Variants in LYSMD2 observed in about 807,000 individuals in gnomAD.
The protein encoded by LYSMD2 is lysM and putative peptidoglycan-binding domain-containing protein 2.
In LYSMD2, 6 loss-of-function variants were observed where a neutral mutation model predicts 17.7. The ratio of observed to expected loss-of-function variants is 0.34; its 90% CI spans 0.19 to 0.67. LYSMD2 has a LOEUF of 0.67. Among genes scored for constraint, LYSMD2 ranks in the 30% least tolerant of loss-of-function variants. The probability of loss-of-function intolerance (pLI) is 0.69; values close to 1 mark genes in which losing one functional copy is unlikely to be tolerated. For synonymous variants in LYSMD2, 102 were observed against 129.8 expected (o/e 0.79, Z 1.45); for missense variants, 237 against 286.7 (o/e 0.83, Z 1.25).
chr15:51,748,261 C>CAAAAAAAAAA (rs10556304), intron 1 of LYSMD2, among the ~76,000 whole-genome samples: 23 of 60,224 alleles, frequency 3.8e-4, no homozygotes, highest in African/African-American at 7.6e-4. Context: ...GACTCCGTCT[C>CAAAAAAAAAA]AAAAAAAAAA....
At chr15:51,746,326 T>C (rs1263870124) in intron 1 of LYSMD2, among the ~76,000 whole-genome samples, 1 of 152,140 alleles carries the variant, frequency 6.6e-6, no homozygotes, top group Non-Finnish European at 1.5e-5. Context: ...AAAAATATTA[T>C]AATTAGGGAA....
At chr15:51,747,435 G>A (rs1422452290) in intron 1 of LYSMD2, among the ~76,000 whole-genome samples, 2 of 152,238 alleles carry the variant, frequency 1.3e-5, no homozygotes, top group East Asian at 1.9e-4. Context: ...AGGCTGTGGT[G>A]AGCCGAGATC....
At chr15:51,743,024 C>T (rs1403394738) in intron 1 of LYSMD2, among the ~76,000 whole-genome samples, 1 of 152,198 alleles carries the variant, frequency 6.6e-6, no homozygotes, top group Non-Finnish European at 1.5e-5. Flanking sequence ...TTTTGTCTTT[C>T]ATGGATCATA....
upstream of LYSMD2, among the ~76,000 whole-genome samples, chr15:51,740,473 T>A (rs1364277340): frequency 6.6e-6 from 1 of 152,264 alleles, no homozygotes; most frequent in Non-Finnish European, 1.5e-5. Context: ...TTACTGCCTC[T>A]ATTTAACATT....
chr15:51,723,562 T>C lies in LYSMD2; in HGVS notation c.*45A>G, dbSNP rs760875775. ...TCTTCAGTTGTTGGATTCTTTATGG[T>C]CCAAACATATCTTAATTTTGGTTAG... On this transcript the variant is annotated 3_prime_UTR_variant, in exon 3 of 3. Transcript: ENST00000267838. 2 of 1,468,540 alleles carry C rather than the reference T, an allele frequency of 1.4e-6. No individual in the cohort carries two copies. Among genetic ancestry groups the C allele is most frequent in the Non-Finnish European group, 1.9e-6 (2 of 1,048,644 alleles). The allele number at this position is 1,468,540 out of a possible 1,614,324, so 91.0% of individuals were successfully genotyped here.
In LYSMD2 at chr15:51,737,309, G is replaced by A; in HGVS notation, c.273+41C>T. 2 of 1,193,792 alleles carry A rather than the reference G, an allele frequency of 1.7e-6. No homozygotes were observed. Among genetic ancestry groups the A allele is most frequent in the Non-Finnish European group, 2.1e-6 (2 of 956,250 alleles). The allele number at this position is 1,193,792 out of a possible 1,614,324, so 73.9% of individuals were successfully genotyped here. ...CCCCGAGCCGCACCGCCTCCTGCGC[G>A]GTAGCTGCCAGCCCGGGCCGCGGCG... On this transcript the variant is annotated intron_variant, in intron 1 of 2. Coordinates refer to ENST00000267838, the MANE Select transcript of LYSMD2 (RefSeq NM_153374.3). The surrounding 1 kb of genome is among the most constrained non-coding windows in gnomAD (Gnocchi z 4.2).
At chr15:51,740,054 G>T (rs544693660), upstream of LYSMD2, among the ~76,000 whole-genome samples, 3 of 152,268 alleles carry the variant, frequency 2.0e-5, no homozygotes, top group South Asian at 6.2e-4. Flanking sequence ...CGCCTCCCAG[G>T]TTCAAGCAGT....
intron 2 of LYSMD2, among the ~76,000 whole-genome samples, chr15:51,724,212 T>C (rs2055521250): frequency 6.6e-6 from 1 of 152,050 alleles, no homozygotes; most frequent in Non-Finnish European, 1.5e-5. Context: ...AGGAAACCAA[T>C]TCTATAGGAG....
intron 1 of LYSMD2, among the ~76,000 whole-genome samples, chr15:51,749,002 C>T (rs74015728): frequency 0.011 from 1,627 of 152,298 alleles, 27 homozygotes; most frequent in African/African-American, 0.037. Context: ...CAATTACAGT[C>T]AATATATCAG....
chr15:51,749,822 T>A (rs935847990), intron 1 of LYSMD2, among the ~76,000 whole-genome samples: 1 of 152,182 alleles, frequency 6.6e-6, no homozygotes, highest in African/African-American at 2.4e-5. Flanking sequence ...GAATAACAAA[T>A]GTACAGGAAA....
chr15:51,738,085 C>G (rs1182217497), upstream of LYSMD2: 1 of 152,504 alleles, frequency 6.6e-6, no homozygotes, highest in African/African-American at 2.4e-5. Flanking sequence ...GATTCCCCAG[C>G]AGGAGCCAGC....
intron 1 of LYSMD2, among the ~76,000 whole-genome samples, chr15:51,749,754 T>C (rs1295848232): frequency 6.6e-6 from 1 of 152,220 alleles, no homozygotes; most frequent in African/African-American, 2.4e-5. Context: ...GCTATGACTG[T>C]AACAAATGTA....
chr15:51,732,579 G>A (rs2055583514), intron 1 of LYSMD2, among the ~76,000 whole-genome samples: 1 of 152,158 alleles, frequency 6.6e-6, no homozygotes, highest in Admixed American at 6.5e-5. Flanking sequence ...GTGATGGTAG[G>A]AAAGAGTCAT....
chr15:51,743,501 A>G (rs1276053514), intron 1 of LYSMD2, among the ~76,000 whole-genome samples: 1 of 152,228 alleles, frequency 6.6e-6, no homozygotes, highest in Non-Finnish European at 1.5e-5. Flanking sequence ...CTATTGTTTC[A>G]AGAATACTAC....
Position 51,737,257 on chromosome 15 carries a change from C to CCCCCT in LYSMD2, c.273+92_273+93insAGGGG, listed in dbSNP as rs2141599148. The CCCCCT allele has an allele frequency of 2.7e-4, 89 of 335,048 alleles. No individual in the cohort carries two copies. Among genetic ancestry groups the CCCCCT allele is most frequent in the East Asian group, 7.5e-4 (9 of 12,068 alleles). The allele number at this position is 335,048 out of a possible 1,614,324, so 20.8% of individuals were successfully genotyped here. The stretch of plus-strand genomic sequence containing the variant: ...ACTCCCCATCCCCCAAACCCCCACC[C>CCCCCT]GCAGTCCCACCCCCACCCCCACCGC... On this transcript the variant is annotated intron_variant, in intron 1 of 2. Coordinates refer to ENST00000267838, the MANE Select transcript of LYSMD2 (RefSeq NM_153374.3). The surrounding 1 kb of genome is among the most constrained non-coding windows in gnomAD (Gnocchi z 4.2).
chr15:51,725,014 T>C lies in LYSMD2; in HGVS notation c.381A>G (p.Gly127=). 1 of 1,613,974 alleles carries C rather than the reference T, an allele frequency of 6.2e-7. No individual in the cohort carries two copies. Among genetic ancestry groups the C allele is most frequent in the Non-Finnish European group, 8.5e-7 (1 of 1,179,856 alleles). ...VISEKPLLFN[G]LNSIDSPENE... ...TTTCTGGAGAATCAATGGAGTTAAG[T>C]CCATTAAACAACAAAGGCTTCTCTG... Residue 127 remains glycine, a synonymous_variant, in exon 2 of 3, where the codon GGA becomes GGG. Coordinates refer to ENST00000267838, the MANE Select transcript of LYSMD2 (RefSeq NM_153374.3).
At chr15:51,732,376 C>A (rs1226985857) in intron 1 of LYSMD2, among the ~76,000 whole-genome samples, 1 of 152,180 alleles carries the variant, frequency 6.6e-6, no homozygotes, top group Admixed American at 6.5e-5. Flanking sequence ...GAAACAAATT[C>A]TCTGGCTTCT....
intron 1 of LYSMD2, 50 bp from the exon 2 acceptor site, chr15:51,725,171 G>T (rs779054421): frequency 3.4e-6 from 4 of 1,179,350 alleles, no homozygotes; most frequent in African/African-American, 1.5e-5. Context: ...AAGTCAAGGA[G>T]TAAGATTTAT....
chr15:51,735,099 C>T (rs1005365570), intron 1 of LYSMD2, among the ~76,000 whole-genome samples: 5 of 151,766 alleles, frequency 3.3e-5, no homozygotes, highest in Non-Finnish European at 5.9e-5. Flanking sequence ...ACTTGAGCAG[C>T]GGCAGCTGAG....
Sources: gnomAD v4.1 joint callset for allele counts (sites outside exome capture counted in the v4.1 genomes callset) on GRCh38, gnomAD v4.1.1 for gene constraint, Gnocchi (gnomAD v3.1) non-coding constraint, MANE v1.5 for transcripts, NCBI Gene and HGNC (gene_info 2026-07-23, HGNC 2026-07-21) for gene names.